Variants in PTK2 observed in about 807,000 individuals in gnomAD.
PTK2 encodes focal adhesion kinase 1.
PTK2 carries 45 observed loss-of-function variants against 150.1 expected under a neutral mutation model. The ratio of observed to expected loss-of-function variants is 0.30; its 90% CI spans 0.24 to 0.38. The LOEUF (loss-of-function observed/expected upper bound fraction) is 0.38, where lower values mean the gene tolerates loss of function less well. Ranked by LOEUF, PTK2 falls within the 10% of genes least tolerant of loss-of-function variation. PTK2 has a pLI of 1.00. For missense variants in PTK2, 919 were observed against 1,307.3 expected (o/e 0.70, Z 4.58); for synonymous variants, 432 against 449.2 (o/e 0.96, Z 0.48).
intron 10 of PTK2, among the ~76,000 whole-genome samples, chr8:140,812,249 T>C (rs989090029): frequency 6.6e-6 from 1 of 152,168 alleles, no homozygotes; most frequent in African/African-American, 2.4e-5. Flanking sequence ...GGGCCAACAT[T>C]CAACATTCTG....
chr8:140,761,169 C>G, exon 16 of PTK2: 1 of 1,599,250 alleles, frequency 6.3e-7, no homozygotes, highest in Non-Finnish European at 8.6e-7. Flanking sequence ...ACTTACTGGA[C>G]TCATATAAAT....
chr8:140,887,358 G>A (rs2100152677), intron 3 of PTK2, among the ~76,000 whole-genome samples: 1 of 152,166 alleles, frequency 6.6e-6, no homozygotes, highest in Non-Finnish European at 1.5e-5. Flanking sequence ...TCACTTCAAT[G>A]AGTATCATTT....
intron 18 of PTK2, among the ~76,000 whole-genome samples, chr8:140,746,240 G>C (rs1223063476): frequency 1.3e-5 from 2 of 152,060 alleles, no homozygotes; most frequent in Admixed American, 1.3e-4. Flanking sequence ...GTTGAGGTGG[G>C]AGATCGCTTG....
intron 2 of PTK2, among the ~76,000 whole-genome samples, chr8:140,898,545 T>C (rs768593765): frequency 6.6e-5 from 10 of 152,144 alleles, no homozygotes; most frequent in South Asian, 4.1e-4. Context: ...CTTGAAGAAA[T>C]AGGGCAGTTC....
intron 27 of PTK2, among the ~76,000 whole-genome samples, chr8:140,680,588 A>G (rs1286528224): frequency 6.6e-6 from 1 of 152,204 alleles, no homozygotes; most frequent in Non-Finnish European, 1.5e-5. Context: ...CACACACTGG[A>G]ACACAAAGAA....
chr8:140,945,021 C>T (rs1421171022), intron 1 of PTK2, among the ~76,000 whole-genome samples: 5 of 152,176 alleles, frequency 3.3e-5, no homozygotes, highest in African/African-American at 1.2e-4. Context: ...CCTGCTTGCC[C>T]TCTCTCCAAT....
At chr8:140,839,266 G>T (rs1284205198) in intron 7 of PTK2, among the ~76,000 whole-genome samples, 2 of 152,134 alleles carry the variant, frequency 1.3e-5, no homozygotes, top group Non-Finnish European at 2.9e-5. Flanking sequence ...GACGAAGGCG[G>T]AAGTGGCATC....
chr8:140,902,589 G>A (rs2100158944), intron 2 of PTK2, among the ~76,000 whole-genome samples: 2 of 152,152 alleles, frequency 1.3e-5, no homozygotes, highest in African/African-American at 2.4e-5. Flanking sequence ...GTGTAAAAGC[G>A]TTCCTATTTC....
At chr8:140,952,830 C>G (rs2100179959) in intron 1 of PTK2, among the ~76,000 whole-genome samples, 1 of 147,598 alleles carries the variant, frequency 6.8e-6, no homozygotes, top group African/African-American at 2.5e-5. Context: ...GATTTCTAAA[C>G]TGTGAAACAT....
chr8:140,941,072 C>T (rs1317724928), intron 1 of PTK2, among the ~76,000 whole-genome samples: 1 of 152,066 alleles, frequency 6.6e-6, no homozygotes, highest in East Asian at 1.9e-4. Flanking sequence ...AACAGCTATC[C>T]CAAGTTCATG....
At chr8:140,882,431 C>T (rs2100149720) in intron 3 of PTK2, among the ~76,000 whole-genome samples, 1 of 152,020 alleles carries the variant, frequency 6.6e-6, no homozygotes, top group African/African-American at 2.4e-5. Flanking sequence ...ACTAAAGGTA[C>T]CAGAATTAAA....
At chr8:140,812,539 A>G (rs1465974117) in intron 10 of PTK2, among the ~76,000 whole-genome samples, 1 of 152,224 alleles carries the variant, frequency 6.6e-6, no homozygotes, top group Non-Finnish European at 1.5e-5. Flanking sequence ...ACACATATCA[A>G]TACTAACCTT....
intron 26 of PTK2, among the ~76,000 whole-genome samples, chr8:140,698,072 A>G (rs1033650265): frequency 6.6e-6 from 1 of 151,956 alleles, no homozygotes; most frequent in Admixed American, 6.6e-5. Flanking sequence ...TGCCCTAAAA[A>G]TTCCAATTTC....
intron 29 of PTK2, among the ~76,000 whole-genome samples, chr8:140,671,737 C>T (rs1392662434): frequency 2.8e-4 from 41 of 144,100 alleles, no homozygotes; most frequent in African/African-American, 4.2e-4. Context: ...CACGGTGAAA[C>T]CCCGTCTCTA....
chr8:140,739,864 A>G (rs545687395), intron 20 of PTK2, among the ~76,000 whole-genome samples: 1 of 152,184 alleles, frequency 6.6e-6, no homozygotes, highest in Non-Finnish European at 1.5e-5. Context: ...CCTCAGCTGC[A>G]TATGTGGGTA....
intron 1 of PTK2, 34 bp downstream of exon 1, chr8:141,001,091 G>A (rs1456400022): frequency 6.6e-6 from 1 of 150,702 alleles, no homozygotes; most frequent in African/African-American, 2.4e-5. Context: ...CCCAGCCCCC[G>A]ACCCGCGCCC....
At chr8:140,803,913 C>T (rs752036458) in intron 10 of PTK2, among the ~76,000 whole-genome samples, 1 of 152,184 alleles carries the variant, frequency 6.6e-6, no homozygotes, top group African/African-American at 2.4e-5. Context: ...GTACAGTTAC[C>T]ACTGAGAGAG....
intron 1 of PTK2, among the ~76,000 whole-genome samples, chr8:140,988,534 C>G (rs1022586802): frequency 6.6e-6 from 1 of 152,046 alleles, no homozygotes; most frequent in Admixed American, 6.6e-5. Flanking sequence ...TGGAGACCAT[C>G]CTGGCTAACA....
At chr8:140,880,102 A>T (rs1447896811) in intron 3 of PTK2, among the ~76,000 whole-genome samples, 2 of 151,706 alleles carry the variant, frequency 1.3e-5, no homozygotes, top group Admixed American at 6.5e-5. Flanking sequence ...TCATTTTTTT[A>T]AAAAAACATA....
Sources: allele counts gnomAD v4.1 joint callset (sites outside exome capture counted in the v4.1 genomes callset), GRCh38; gene constraint gnomAD v4.1.1; transcripts MANE v1.5; gene names NCBI Gene and HGNC (gene_info 2026-07-23, HGNC 2026-07-21).